The following WWOX variants were observed in gnomAD, a reference collection of about 807,000 sequenced individuals.
WWOX encodes WW domain-containing oxidoreductase.
In WWOX, 69 loss-of-function variants were observed where a neutral mutation model predicts 46.2. That is an observed-to-expected ratio of 1.49 (90% confidence interval 1.23 to 1.82). The LOEUF (loss-of-function observed/expected upper bound fraction) is 1.82. Among genes scored for constraint, WWOX ranks in the 40% most tolerant of loss-of-function variants. WWOX has a pLI of 0.00. For synonymous variants in WWOX, 359 were observed against 202.6 expected, an observed-to-expected ratio of 1.77 and a Z score of -6.56; for missense variants, 919 against 542.6, an observed-to-expected ratio of 1.69 and a Z score of -6.89.
At chr16:78,803,898 C>G (rs1339285378) in intron 8 of WWOX, among the ~76,000 whole-genome samples, 2 of 152,098 alleles carry the variant, frequency 1.3e-5, no homozygotes, top group Non-Finnish European at 2.9e-5. Flanking sequence ...TAACCATCAC[C>G]AGACAAACAG....
chr16:78,487,579 G>T (rs867686623), intron 8 of WWOX, among the ~76,000 whole-genome samples: 4 of 152,122 alleles, frequency 2.6e-5, no homozygotes, highest in Admixed American at 6.6e-5. Flanking sequence ...GAGGCTTCGT[G>T]CTGTTAATAT....
chr16:78,817,245 G>C (rs1567580666), intron 8 of WWOX, among the ~76,000 whole-genome samples: 1 of 122,006 alleles, frequency 8.2e-6, no homozygotes, highest in Non-Finnish European at 1.6e-5. Flanking sequence ...GGGAAGCTTA[G>C]CCAACTGCAG....
intron 8 of WWOX, among the ~76,000 whole-genome samples, chr16:78,853,589 A>T (rs1361857248): frequency 6.6e-6 from 1 of 151,970 alleles, no homozygotes; most frequent in Non-Finnish European, 1.5e-5. Flanking sequence ...GAATCTTTGT[A>T]TTTTCTTCTC....
intron 8 of WWOX, among the ~76,000 whole-genome samples, chr16:79,059,472 T>A (rs1044419872): frequency 6.6e-6 from 1 of 152,202 alleles, no homozygotes; most frequent in Non-Finnish European, 1.5e-5. Flanking sequence ...TGCCATTGCA[T>A]CTCAGTCTTT....
intron 5 of WWOX, among the ~76,000 whole-genome samples, chr16:78,331,765 T>A (rs987687083): frequency 1.3e-5 from 2 of 152,182 alleles, no homozygotes; most frequent in Non-Finnish European, 2.9e-5. Flanking sequence ...ATTAATAGTA[T>A]TTTACGAAGT....
chr16:78,462,442 A>G (rs746704607), intron 8 of WWOX, among the ~76,000 whole-genome samples: 24 of 152,330 alleles, frequency 1.6e-4, no homozygotes, highest in Admixed American at 1.1e-3. Context: ...ACTTGCCAGC[A>G]TAAAGGAAAC....
chr16:78,869,765 C>T (rs373526065), intron 8 of WWOX, among the ~76,000 whole-genome samples: 144 of 152,214 alleles, frequency 9.5e-4, no homozygotes, highest in African/African-American at 3.4e-3. Context: ...AAGTCTTGCT[C>T]GCAGATAGCC....
At chr16:78,936,311 C>T (rs1244448537) in intron 8 of WWOX, among the ~76,000 whole-genome samples, 8 of 152,146 alleles carry the variant, frequency 5.3e-5, no homozygotes, top group Non-Finnish European at 2.9e-5. Flanking sequence ...CCCAAGTGGT[C>T]CATCCCAAGC....
At chr16:78,544,589 T>C (rs915194233) in intron 8 of WWOX, among the ~76,000 whole-genome samples, 3 of 152,160 alleles carry the variant, frequency 2.0e-5, no homozygotes, top group Non-Finnish European at 2.9e-5. Context: ...AATGAGATGA[T>C]TGAAAATGAG....
chr16:78,193,123 C>G (rs139871768), intron 5 of WWOX, among the ~76,000 whole-genome samples: 72 of 152,344 alleles, frequency 4.7e-4, no homozygotes, highest in Non-Finnish European at 6.2e-4. Flanking sequence ...ACAGAGGCTT[C>G]TGTTCATACA....
At chr16:78,634,184 G>A (rs1270947180) in intron 8 of WWOX, among the ~76,000 whole-genome samples, 1 of 152,068 alleles carries the variant, frequency 6.6e-6, no homozygotes, top group East Asian at 1.9e-4. Flanking sequence ...GCTTTTTTGT[G>A]TCTAAATACA....
chr16:78,912,873 T>C (rs1233317653), intron 8 of WWOX, among the ~76,000 whole-genome samples: 1 of 151,962 alleles, frequency 6.6e-6, no homozygotes, highest in African/African-American at 2.4e-5. Flanking sequence ...GCCGTATCTT[T>C]AAAACACCAT....
At chr16:78,912,217 C>T (rs1402779072) in intron 8 of WWOX, among the ~76,000 whole-genome samples, 1 of 151,996 alleles carries the variant, frequency 6.6e-6, no homozygotes, top group Non-Finnish European at 1.5e-5. Context: ...TGAACAAAGC[C>T]CCAGTTGTTT....
At chr16:78,705,363 T>C (rs1211420781) in intron 8 of WWOX, among the ~76,000 whole-genome samples, 1 of 152,180 alleles carries the variant, frequency 6.6e-6, no homozygotes, top group Non-Finnish European at 1.5e-5. Context: ...AAACAACACA[T>C]AAGAGAGTCA....
At chr16:78,208,863 G>T (rs2036473889) in intron 5 of WWOX, among the ~76,000 whole-genome samples, 2 of 152,064 alleles carry the variant, frequency 1.3e-5, no homozygotes, top group African/African-American at 4.8e-5. Flanking sequence ...AATTCTAAGT[G>T]CTCCATCTCT....
intron 7 of WWOX, among the ~76,000 whole-genome samples, chr16:78,432,121 CTT>C (rs112523358): frequency 0.075 from 10,744 of 142,802 alleles, 431 homozygotes; most frequent in African/African-American, 0.096. Context: ...CCTCAGATTG[CTT>C]TTTTTTTTTT....
chr16:78,564,928 C>T (rs1016350165), intron 8 of WWOX, among the ~76,000 whole-genome samples: 1 of 152,036 alleles, frequency 6.6e-6, no homozygotes, highest in Non-Finnish European at 1.5e-5. Context: ...TTATCCATGC[C>T]ATCTGAAATC....
intron 8 of WWOX, chr16:79,206,133 A>G (rs2051501266): frequency 6.6e-6 from 1 of 152,152 alleles, no homozygotes. Context: ...CAATGGAAAA[A>G]AAAATCTCCT....
At chr16:78,242,705 A>G (rs1191569842) in intron 5 of WWOX, among the ~76,000 whole-genome samples, 1 of 152,132 alleles carries the variant, frequency 6.6e-6, no homozygotes, top group African/African-American at 2.4e-5. Flanking sequence ...GGAAGCAGAA[A>G]GAATAAGAGA....
Sources: allele counts gnomAD v4.1 joint callset (sites outside exome capture counted in the v4.1 genomes callset), GRCh38; gene constraint gnomAD v4.1.1; transcripts MANE v1.5; gene names NCBI Gene and HGNC (gene_info 2026-07-23, HGNC 2026-07-21).